The following CAMK1D variants were observed in gnomAD, a reference collection of about 807,000 sequenced individuals.
The protein encoded by CAMK1D is calcium/calmodulin dependent protein kinase ID.
Under a neutral mutation model 47.7 loss-of-function variants are expected in CAMK1D, and 9 were observed. The ratio of observed to expected loss-of-function variants is 0.19; its 90% confidence interval spans 0.11 to 0.33. The LOEUF is 0.33. Ranked by LOEUF, CAMK1D falls within the 10% of genes least tolerant of loss-of-function variation. The pLI is 1.00. For synonymous variants in CAMK1D, 184 were observed against 184.9 expected (o/e 0.99, Z 0.04); for missense variants, 291 against 488.7 (o/e 0.60, Z 3.81).
intron 5 of CAMK1D, among the ~76,000 whole-genome samples, chr10:12,790,628 C>T (rs1034966790): frequency 6.9e-6 from 1 of 143,926 alleles, no homozygotes; most frequent in African/African-American, 2.6e-5. Flanking sequence ...CACACACTCA[C>T]CCACACACCC....
intron 1 of CAMK1D, among the ~76,000 whole-genome samples, chr10:12,367,366 C>T (rs1206696623): frequency 4.0e-5 from 6 of 151,838 alleles, no homozygotes; most frequent in East Asian, 1.9e-4. Context: ...GGATCAGTTT[C>T]GTGGAAGACA....
intron 5 of CAMK1D, among the ~76,000 whole-genome samples, chr10:12,778,468 A>T (rs977737109): frequency 5.3e-5 from 8 of 152,182 alleles, no homozygotes; most frequent in Non-Finnish European, 8.8e-5. Context: ...TGTCACTGAG[A>T]TGTGGGCGGC....
At chr10:12,676,523 C>A (rs1283325340) in intron 3 of CAMK1D, among the ~76,000 whole-genome samples, 2 of 152,220 alleles carry the variant, frequency 1.3e-5, no homozygotes, top group African/African-American at 4.8e-5. Context: ...AAATGCTTAA[C>A]TGATATGATC....
chr10:12,362,642 C>T (rs1438947524), intron 1 of CAMK1D, among the ~76,000 whole-genome samples: 3 of 151,938 alleles, frequency 2.0e-5, no homozygotes, highest in East Asian at 1.9e-4. Flanking sequence ...GGACTACAGG[C>T]GCCCGCCATG....
chr10:12,597,502 C>G (rs912325533), intron 2 of CAMK1D, among the ~76,000 whole-genome samples: 4 of 152,124 alleles, frequency 2.6e-5, no homozygotes, highest in African/African-American at 9.7e-5. Context: ...TAGCAGGTCC[C>G]TCATGGTAGG....
At chr10:12,784,226 T>G in intron 5 of CAMK1D, among the ~76,000 whole-genome samples, 1 of 138,646 alleles carries the variant, frequency 7.2e-6, no homozygotes, top group African/African-American at 2.7e-5. Flanking sequence ...TGAGATGGAG[T>G]TTCACTCTTG....
intron 4 of CAMK1D, among the ~76,000 whole-genome samples, chr10:12,768,002 A>G (rs1012909316): frequency 2.0e-5 from 3 of 152,050 alleles, no homozygotes; most frequent in Non-Finnish European, 2.9e-5. Flanking sequence ...CCTCCCAAGT[A>G]GCTGGGATTA....
chr10:12,610,137 C>T (rs1838577656), intron 2 of CAMK1D, among the ~76,000 whole-genome samples: 1 of 152,124 alleles, frequency 6.6e-6, no homozygotes, highest in South Asian at 2.1e-4. Context: ...TAATTTAAAG[C>T]CACCAACTGA....
intron 3 of CAMK1D, among the ~76,000 whole-genome samples, chr10:12,750,735 G>C (rs896407807): frequency 6.6e-6 from 1 of 152,172 alleles, no homozygotes; most frequent in Non-Finnish European, 1.5e-5. Flanking sequence ...AGGGAGGATT[G>C]TCTCAGCGGC....
chr10:12,714,754 A>C (rs1834056457), intron 3 of CAMK1D, among the ~76,000 whole-genome samples: 1 of 133,958 alleles, frequency 7.5e-6, no homozygotes, highest in Middle Eastern at 3.3e-3. Flanking sequence ...AAATAGGTAC[A>C]TTAAATTACA....
intron 3 of CAMK1D, among the ~76,000 whole-genome samples, chr10:12,728,484 G>A (rs1834754664): frequency 6.6e-6 from 1 of 152,202 alleles, no homozygotes; most frequent in Non-Finnish European, 1.5e-5. Context: ...CACTGGCATC[G>A]AGAGCAGTGT....
At chr10:12,750,732 A>C (rs1033447543) in intron 3 of CAMK1D, among the ~76,000 whole-genome samples, 3 of 152,128 alleles carry the variant, frequency 2.0e-5, no homozygotes, top group Non-Finnish European at 4.4e-5. Flanking sequence ...TTGAGGGAGG[A>C]TTGTCTCAGC....
chr10:12,591,797 G>GATTC (rs1255590843), intron 2 of CAMK1D, among the ~76,000 whole-genome samples: 1 of 152,142 alleles, frequency 6.6e-6, no homozygotes, highest in Non-Finnish European at 1.5e-5. Flanking sequence ...GGGTTCTAGT[G>GATTC]ATTCTCCTGC....
intron 1 of CAMK1D, among the ~76,000 whole-genome samples, chr10:12,480,207 C>T (rs12774909): frequency 0.14 from 20,680 of 152,052 alleles, 1,521 homozygotes; most frequent in Non-Finnish European, 0.18. Context: ...CTCAGCACTT[C>T]GGGAGGCCGA....
chr10:12,547,676 T>A (rs1184624280), intron 1 of CAMK1D, among the ~76,000 whole-genome samples: 2 of 43,398 alleles, frequency 4.6e-5, no homozygotes, highest in Non-Finnish European at 1.1e-4. Context: ...TCTCTCTTTC[T>A]CTCTCTCACA....
intron 2 of CAMK1D, among the ~76,000 whole-genome samples, chr10:12,649,409 T>C (rs955589156): frequency 6.6e-6 from 1 of 152,192 alleles, no homozygotes; most frequent in African/African-American, 2.4e-5. Context: ...GGGAACTCGA[T>C]ATGGGTTAAG....
chr10:12,617,317 A>G (rs569598715), intron 2 of CAMK1D, among the ~76,000 whole-genome samples: 1 of 152,314 alleles, frequency 6.6e-6, no homozygotes, highest in Admixed American at 6.5e-5. Context: ...AAATGAGGAA[A>G]AATACATAAG....
intron 3 of CAMK1D, among the ~76,000 whole-genome samples, chr10:12,702,676 T>C (rs1271657672): frequency 6.6e-6 from 1 of 152,192 alleles, no homozygotes; most frequent in East Asian, 1.9e-4. Context: ...GAAGGAACCA[T>C]GTGCACAGAG....
At chr10:12,549,593 G>A (rs780604934) in intron 1 of CAMK1D, among the ~76,000 whole-genome samples, 1 of 152,184 alleles carries the variant, frequency 6.6e-6, no homozygotes, top group African/African-American at 2.4e-5. Flanking sequence ...ACTTGCATTC[G>A]CAGAGAATGG....
Sources: gnomAD v4.1 joint callset for allele counts (sites outside exome capture counted in the v4.1 genomes callset) on GRCh38, gnomAD v4.1.1 for gene constraint, MANE v1.5 for transcripts, NCBI Gene and HGNC (gene_info 2026-07-23, HGNC 2026-07-21) for gene names.